ELF2: variants seen among roughly 807,000 people sequenced by gnomAD.
ELF2 encodes E74 like ETS transcription factor 2, also known as ETS-related transcription factor Elf-2.
A neutral mutation model predicts 54.8 loss-of-function variants in ELF2; 11 were observed. The observed-to-expected ratio is 0.20, with a 90% CI of 0.13 to 0.33. ELF2 has a LOEUF of 0.33. Among genes scored for constraint, ELF2 ranks in the 10% least tolerant of loss-of-function variants. The pLI is 1.00. For synonymous variants in ELF2, 203 were observed against 245.1 expected (o/e 0.83, Z 1.61); for missense variants, 513 against 703.0 (o/e 0.73, Z 3.06).
At chr4:139,113,684 G>A (rs1210091578) in intron 4 of ELF2, among the ~76,000 whole-genome samples, 4 of 151,760 alleles carry the variant, frequency 2.6e-5, no homozygotes, top group South Asian at 2.1e-4. Context: ...GTGAAAGCCC[G>A]TCTCTACTAA....
intron 4 of ELF2, among the ~76,000 whole-genome samples, chr4:139,104,943 C>G (rs1316809257): frequency 1.3e-5 from 2 of 152,150 alleles, no homozygotes; most frequent in Non-Finnish European, 1.5e-5. Context: ...TATTATTTGC[C>G]TGAATGCTCA....
chr4:139,159,913 G>A (rs1292644934), intron 1 of ELF2, among the ~76,000 whole-genome samples: 1 of 152,226 alleles, frequency 6.6e-6, no homozygotes, highest in South Asian at 2.1e-4. Flanking sequence ...TTTAGAGTCA[G>A]TATAAATATT....
At chr4:139,159,626 C>T (rs1740895701) in intron 1 of ELF2, among the ~76,000 whole-genome samples, 1 of 152,058 alleles carries the variant, frequency 6.6e-6, no homozygotes, top group Non-Finnish European at 1.5e-5. Context: ...TTTTTAGCTA[C>T]CTTATCAGCA....
At chr4:139,064,795 G>A (rs758574741) in intron 7 of ELF2, among the ~76,000 whole-genome samples, 7 of 151,950 alleles carry the variant, frequency 4.6e-5, no homozygotes, top group African/African-American at 1.5e-4. Flanking sequence ...CAGGAGAATC[G>A]CTTGAACCCG....
At chr4:139,120,526 A>T (rs1396273575) in intron 4 of ELF2, among the ~76,000 whole-genome samples, 2 of 152,120 alleles carry the variant, frequency 1.3e-5, no homozygotes, top group Non-Finnish European at 2.9e-5. Flanking sequence ...TGTAACCTCA[A>T]ACTCTAATCT....
chr4:139,159,525 T>C (rs560020167), intron 1 of ELF2, among the ~76,000 whole-genome samples: 48 of 152,318 alleles, frequency 3.2e-4, no homozygotes, highest in Middle Eastern at 3.4e-3. Flanking sequence ...CCCTGAGGGA[T>C]AGAAGTTGGA....
chr4:139,138,140 AGGTGCGGTGGCTCACGCCT>A (rs1656615008), intron 2 of ELF2, among the ~76,000 whole-genome samples: 2 of 152,340 alleles, frequency 1.3e-5, no homozygotes, highest in African/African-American at 4.8e-5. Context: ...TAACTGTGCC[AGGTGCGGTGGCTCACGCCT>A]GTATATTCCA....
chr4:139,061,506 T>A (rs1727854243), intron 8 of ELF2, among the ~76,000 whole-genome samples: 1 of 152,078 alleles, frequency 6.6e-6, no homozygotes, highest in Non-Finnish European at 1.5e-5. Context: ...AATTTTCCTA[T>A]CAACATAAAT....
At chr4:139,157,329 ATCTC>A (rs1286113983) in intron 1 of ELF2, among the ~76,000 whole-genome samples, 2 of 152,150 alleles carry the variant, frequency 1.3e-5, no homozygotes, top group Non-Finnish European at 1.5e-5. Flanking sequence ...AATATCATTA[ATCTC>A]TCTCTCTTAT....
At position 139,169,682 on chromosome 4, in the gene ELF2, C is replaced by G. The variant is rs182527021; in HGVS notation, c.-252+7285G>C. ...ACCATCCTGGCTAACACGGTGAAAC[C>G]CTGTCTCTACTAAAAATACAAAAAA... On this transcript the variant is annotated intron_variant, in intron 1 of 9. Coordinates refer to ENST00000686138, the MANE Select transcript of ELF2 (RefSeq NM_001331036.3). 1.8e-3 allele frequency among the ~76,000 whole-genome samples: 267 copies of G among 152,000 alleles called. 1 individual carries two copies. Among genetic ancestry groups the G allele is most frequent in the Non-Finnish European group, 2.2e-3 (148 of 67,988 alleles).
chr4:139,155,723 G>C (rs912322821), intron 1 of ELF2, among the ~76,000 whole-genome samples: 1 of 152,170 alleles, frequency 6.6e-6, no homozygotes, highest in Admixed American at 6.5e-5. Flanking sequence ...GTAAACTAAT[G>C]AATTGTTTAA....
At position 139,091,330 on chromosome 4, in the gene ELF2, A is replaced by T. The variant is rs192846887; in HGVS notation, c.239-17763T>A. ...ATTACAATAAAAAATGCAACATGTC[A>T]AACTGTGTGATTTAATTAAAACAGT... On this transcript the variant is annotated intron_variant, in intron 4 of 9. Transcript: ENST00000686138. Among the ~76,000 whole-genome samples, 924 of 152,362 alleles carry T rather than the reference A, an allele frequency of 6.1e-3. 12 individuals are homozygous for T. The highest frequency in any genetic ancestry group is 0.021 in the African/African-American group (889 of 41,578).
intron 4 of ELF2, among the ~76,000 whole-genome samples, chr4:139,096,508 C>T (rs953329447): frequency 1.3e-5 from 2 of 152,024 alleles, no homozygotes; most frequent in African/African-American, 4.8e-5. Flanking sequence ...TCTGCCTAGG[C>T]TCTAGTGTAG....
At chr4:139,161,633 T>C (rs192276034) in intron 1 of ELF2, among the ~76,000 whole-genome samples, 2 of 108,454 alleles carry the variant, frequency 1.8e-5, no homozygotes, top group Admixed American at 2.5e-4. Context: ...TTCTCACAAA[T>C]AGTCTACGTA....
At chr4:139,097,274 C>T (rs1295307271) in intron 4 of ELF2, among the ~76,000 whole-genome samples, 1 of 152,100 alleles carries the variant, frequency 6.6e-6, no homozygotes, top group Non-Finnish European at 1.5e-5. Flanking sequence ...GGTGGTTCTC[C>T]CATCTCAGCC....
chr4:139,078,774 C>G (rs1730673969), intron 4 of ELF2, among the ~76,000 whole-genome samples: 1 of 151,930 alleles, frequency 6.6e-6, no homozygotes, highest in Admixed American at 6.6e-5. Context: ...ATCCTCCGAC[C>G]TTTTTTATCT....
At chr4:139,099,219 A>G (rs1437024471) in intron 4 of ELF2, among the ~76,000 whole-genome samples, 2 of 152,236 alleles carry the variant, frequency 1.3e-5, no homozygotes, top group African/African-American at 2.4e-5. Context: ...TATATAGCCT[A>G]AACTCTAGTT....
At chr4:139,099,616 C>A (rs949946349) in intron 4 of ELF2, among the ~76,000 whole-genome samples, 1 of 152,166 alleles carries the variant, frequency 6.6e-6, no homozygotes, top group African/African-American at 2.4e-5. Flanking sequence ...ATTTTGGATA[C>A]CTTAGTCTGA....
At chr4:139,064,758 T>C (rs1728429364) in intron 7 of ELF2, among the ~76,000 whole-genome samples, 1 of 152,050 alleles carries the variant, frequency 6.6e-6, no homozygotes, top group Non-Finnish European at 1.5e-5. Context: ...CACATGTCTG[T>C]AATCCCAGCT....
Sources: gnomAD v4.1 joint callset for allele counts (sites outside exome capture counted in the v4.1 genomes callset) on GRCh38, gnomAD v4.1.1 for gene constraint, MANE v1.5 for transcripts, NCBI Gene and HGNC (gene_info 2026-07-23, HGNC 2026-07-21) for gene names.